ANKRD12: variants seen among roughly 807,000 people sequenced by gnomAD.
ANKRD12 encodes ankyrin repeat domain-containing protein 12.
ANKRD12 carries 85 observed loss-of-function variants against 183.4 expected under a neutral mutation model. The observed-to-expected ratio is 0.46, with a 90% CI of 0.39 to 0.56. The LOEUF (loss-of-function observed/expected upper bound fraction) is 0.56. ANKRD12 is among the 20% of genes least tolerant of loss of function. The probability of loss-of-function intolerance (pLI) is 0.00; values close to 1 mark genes in which losing one functional copy is unlikely to be tolerated. For synonymous variants in ANKRD12, 914 were observed against 800.2 expected (o/e 1.14, Z -2.40); for missense variants, 2,405 against 2,357.1 (o/e 1.02, Z -0.42).
chr18:9,195,453 T>C (rs2144402426), intron 2 of ANKRD12, 98 bp from the exon 3 acceptor site: 1 of 816,900 alleles, frequency 1.2e-6, no homozygotes, highest in Non-Finnish European at 1.7e-6. Context: ...GGTAATACTA[T>C]CTCTTTTTGT....
At chr18:9,273,866 C>T (rs745609939) in intron 10 of ANKRD12, among the ~76,000 whole-genome samples, 1 of 152,170 alleles carries the variant, frequency 6.6e-6, no homozygotes, top group Non-Finnish European at 1.5e-5. Flanking sequence ...TTTTATCTTA[C>T]TTCATCTGAC....
chr18:9,232,663 T>C (rs931257649), intron 8 of ANKRD12, among the ~76,000 whole-genome samples: 3 of 152,258 alleles, frequency 2.0e-5, no homozygotes, highest in African/African-American at 7.2e-5. Flanking sequence ...CTTGCTAGAC[T>C]TGGGAAGTTT....
chr18:9,231,556 G>A lies in ANKRD12; in HGVS notation c.943+9557G>A, dbSNP rs183398668. On this transcript the variant is annotated intron_variant, in intron 8 of 12. Coordinates refer to ENST00000262126, the MANE Select transcript of ANKRD12 (RefSeq NM_015208.5). ...AAGATATTTTATCCGTGCCGGGCGC[G>A]GTGGCTCGAGCCTGTAATCCCAGCA... Among the ~76,000 whole-genome samples the A allele has an allele frequency of 6.4e-3, 976 of 151,810 alleles. 7 individuals carry two copies. The highest frequency in any genetic ancestry group is 0.017 in the Middle Eastern group (5 of 294).
At chr18:9,147,207 T>TTAAGATAAGTTA (rs1470077284) in intron 1 of ANKRD12, among the ~76,000 whole-genome samples, 1 of 152,214 alleles carries the variant, frequency 6.6e-6, no homozygotes, top group East Asian at 1.9e-4. Context: ...TTATCTTATG[T>TTAAGATAAGTTA]ACCACTGTTA....
At chr18:9,186,285 C>A (rs1176930061) in intron 2 of ANKRD12, among the ~76,000 whole-genome samples, 3 of 151,884 alleles carry the variant, frequency 2.0e-5, no homozygotes, top group African/African-American at 7.3e-5. Flanking sequence ...TAAAACATTC[C>A]CTAGGTAAGT....
Position 9,136,805 on chromosome 18 carries a change from G to C in ANKRD12, c.-212G>C, listed in dbSNP as rs767937847. 6.6e-6 allele frequency: 1 copy of C among 152,266 alleles called. No homozygotes were observed. The highest frequency in any genetic ancestry group is 6.5e-5 in the Admixed American group (1 of 15,294). 9.4% of individuals were successfully genotyped at this position (152,266 alleles called of 1,614,324 possible). A position where few individuals can be genotyped will look rare whatever the true frequency, so the allele number is the denominator to read the frequency against. On this transcript the variant is annotated 5_prime_UTR_variant, in exon 1 of 13. Coordinates refer to ENST00000262126, the MANE Select transcript of ANKRD12 (RefSeq NM_015208.5). ...CGCGGGGCGACGCTGTCCTGGGAGC[G>C]AGGAGGCTGTGGTGAGAGACGGACC...
intron 5 of ANKRD12, among the ~76,000 whole-genome samples, chr18:9,210,784 A>G (rs941739641): frequency 1.4e-5 from 2 of 141,862 alleles, no homozygotes; most frequent in Non-Finnish European, 3.1e-5. Flanking sequence ...TGAGGAAAGG[A>G]TGGTATTGCC....
At chr18:9,269,577 C>T (rs2039486069) in intron 10 of ANKRD12, among the ~76,000 whole-genome samples, 1 of 152,222 alleles carries the variant, frequency 6.6e-6, no homozygotes, top group South Asian at 2.1e-4. Flanking sequence ...ATGTAGAAAG[C>T]TGAAACTGGA....
chr18:9,177,957 T>C (rs1470204179), intron 1 of ANKRD12, among the ~76,000 whole-genome samples: 2 of 150,188 alleles, frequency 1.3e-5, no homozygotes, highest in African/African-American at 2.5e-5. Flanking sequence ...GTTTATCTTA[T>C]TGATTCATAA....
chr18:9,268,949 A>G (rs1412745755), intron 10 of ANKRD12, among the ~76,000 whole-genome samples: 3 of 152,236 alleles, frequency 2.0e-5, no homozygotes, highest in Admixed American at 1.3e-4. Context: ...TCAATGTGCA[A>G]AAATCACGAG....
intron 2 of ANKRD12, among the ~76,000 whole-genome samples, chr18:9,185,525 A>G (rs1186422988): frequency 1.3e-5 from 2 of 152,194 alleles, no homozygotes; most frequent in African/African-American, 4.8e-5. Flanking sequence ...TACTTGCTGA[A>G]CTGAGTTGGC....
intron 11 of ANKRD12, 64 bp downstream of exon 11, chr18:9,275,731 G>C: frequency 1.1e-5 from 15 of 1,399,110 alleles, no homozygotes; most frequent in East Asian, 2.5e-5. Context: ...GCTATTTTTA[G>C]AATCTATTTC....
intron 1 of ANKRD12, chr18:9,137,222 CG>C (rs949488570): frequency 2.7e-5 from 4 of 149,188 alleles, no homozygotes; most frequent in African/African-American, 9.7e-5. Flanking sequence ...GCCGGGGCCC[CG>C]CCCGCCGCCG....
rs199987794 is a variant in ANKRD12, at chr18:9,139,211, T to TC, written c.-52+2246_-52+2247insC. ...TTAGCTGAAAATACATTGTGCAGAC[T>TC]TACACTGGTTTGTTAATACCCAAGG... On this transcript the variant is annotated intron_variant, in intron 1 of 12. Transcript: ENST00000262126. Among the ~76,000 whole-genome samples the TC allele has an allele frequency of 7.4e-3, 1,129 of 152,278 alleles. 21 individuals are homozygous for TC. The highest frequency in any genetic ancestry group is 0.026 in the African/African-American group (1,066 of 41,548).
Position 9,182,487 on chromosome 18 carries a change from A to G in ANKRD12, c.55A>G (p.Ser19Gly), listed in dbSNP as rs1202085516. Reference protein sequence around the residue: ...PIQSENSDSDSNMVEKPYGRK... With the variant: ...PIQSENSDSDGNMVEKPYGRK... Reference sequence around the variant, plus strand: ...TCAGAGTGAAAATTCTGACAGTGACAGCAATATGGTAGAGAAACCATATGG... The same window carrying G: ...TCAGAGTGAAAATTCTGACAGTGACGGCAATATGGTAGAGAAACCATATGG... The change falls in exon 2 of 13, where the codon AGC becomes GGC. Residue 19 changes from serine to glycine, a missense_variant. Coordinates refer to ENST00000262126, the MANE Select transcript of ANKRD12 (RefSeq NM_015208.5). The G allele has an allele frequency of 1.2e-6, 2 of 1,611,068 alleles. No homozygotes were observed. The highest frequency in any genetic ancestry group is 1.7e-6 in the Non-Finnish European group (2 of 1,178,418).
chr18:9,193,397 C>T (rs774406594), intron 2 of ANKRD12, among the ~76,000 whole-genome samples: 13 of 152,122 alleles, frequency 8.5e-5, no homozygotes, highest in Admixed American at 6.5e-4. Context: ...CCACCCACCT[C>T]TGCCTCCCAA....
rs1212721434 is a variant in ANKRD12 at position 9,255,224 on chromosome 18, CAT to C, written c.1959_1960del (p.His653GlnfsTer5). 3 of 1,557,794 alleles carry C rather than the reference CAT, an allele frequency of 1.9e-6. No individual in the cohort carries two copies. Among genetic ancestry groups the C allele is most frequent in the Non-Finnish European group, 1.7e-6 (2 of 1,160,450 alleles). On this transcript the variant is annotated frameshift_variant, in exon 9 of 13. Transcript: ENST00000262126. LOFTEE classifies it high-confidence loss of function. ...TAAAGAAGGTAAAACATTAAAAAAACATAAATTGAAGCATAAAGAGAGGGAAA... is the reference window on the plus strand; with the variant it reads ...TAAAGAAGGTAAAACATTAAAAAAACAAATTGAAGCATAAAGAGAGGGAAA... ...MDKEGKTLKK[H>X]KLKHKEREKE...
At chr18:9,157,548 T>TGG (rs1469085078) in intron 1 of ANKRD12, among the ~76,000 whole-genome samples, 60 of 108,742 alleles carry the variant, frequency 5.5e-4, no homozygotes, top group African/African-American at 2.0e-3. Flanking sequence ...ATGGTGTGTG[T>TGG]GGGTGTGTGT....
chr18:9,261,532 G>C (rs1598737410), intron 9 of ANKRD12, among the ~76,000 whole-genome samples: 1 of 152,176 alleles, frequency 6.6e-6, no homozygotes, highest in East Asian at 1.9e-4. Context: ...TTTAAGAAAA[G>C]CACATTTACA....
Sources: gnomAD v4.1 joint callset for allele counts (sites outside exome capture counted in the v4.1 genomes callset) on GRCh38, gnomAD v4.1.1 for gene constraint, MANE v1.5 for transcripts, NCBI Gene and HGNC (gene_info 2026-07-23, HGNC 2026-07-21) for gene names.